TBXAS1: variants seen among roughly 807,000 people sequenced by gnomAD.
TBXAS1 encodes the protein thromboxane-A synthase.
In TBXAS1, 48 loss-of-function variants were observed where a neutral mutation model predicts 60.7. The ratio of observed to expected loss-of-function variants is 0.79; its 90% CI spans 0.63 to 1.01. The LOEUF is 1.01. Among genes scored for constraint, TBXAS1 ranks in the 50% least tolerant of loss-of-function variants. The pLI, the probability that TBXAS1 is intolerant of heterozygous loss-of-function variation, is 0.00. For synonymous variants in TBXAS1, 287 were observed against 269.7 expected, an observed-to-expected ratio of 1.06 and a Z score of -0.63; for missense variants, 685 against 686.3, an observed-to-expected ratio of 1.00 and a Z score of 0.02.
chr7:139,782,181 TAATC>T (rs1196605989), intron 2 of TBXAS1, among the ~76,000 whole-genome samples: 2 of 150,142 alleles, frequency 1.3e-5, no homozygotes, highest in Admixed American at 1.3e-4. Flanking sequence ...CTAAGGAGTT[TAATC>T]AATCATTTAA....
chr7:139,957,065 C>A (rs1344628805), intron 7 of TBXAS1, among the ~76,000 whole-genome samples: 2 of 152,238 alleles, frequency 1.3e-5, no homozygotes, highest in Non-Finnish European at 2.9e-5. Context: ...ATCCCCAGCA[C>A]ATGGCAGCAA....
chr7:139,893,329 C>CAT (rs1166428274), intron 3 of TBXAS1, among the ~76,000 whole-genome samples: 4 of 137,390 alleles, frequency 2.9e-5, no homozygotes, highest in African/African-American at 1.2e-4. Context: ...GGAATAGACA[C>CAT]ACACACACAC....
intron 10 of TBXAS1, among the ~76,000 whole-genome samples, chr7:140,009,607 T>TGCCCCACACCC (rs1814384892): frequency 8.4e-5 from 1 of 11,862 alleles, no homozygotes; most frequent in African/African-American, 3.3e-4. Flanking sequence ...ACCCCACACC[T>TGCCCCACACCC]GCCCCACACC....
chr7:139,930,248 G>A (rs1807209892), intron 4 of TBXAS1, among the ~76,000 whole-genome samples: 1 of 152,160 alleles, frequency 6.6e-6, no homozygotes, highest in South Asian at 2.1e-4. Context: ...ACCGTCCAGT[G>A]TATTTCTCAT....
intron 4 of TBXAS1, among the ~76,000 whole-genome samples, chr7:139,820,447 A>G (rs899922903): frequency 6.6e-6 from 1 of 152,214 alleles, no homozygotes; most frequent in African/African-American, 2.4e-5. Flanking sequence ...ACATACAGCC[A>G]AAGTCTGAAT....
chr7:139,939,295 C>A (rs952908570), intron 5 of TBXAS1, among the ~76,000 whole-genome samples: 1 of 134,668 alleles, frequency 7.4e-6, no homozygotes, highest in Non-Finnish European at 1.5e-5. Flanking sequence ...ATCCAGGAGG[C>A]AGAGGTTGCA....
intron 4 of TBXAS1, among the ~76,000 whole-genome samples, chr7:139,820,908 G>T (rs761656963): frequency 6.6e-6 from 1 of 152,148 alleles, no homozygotes; most frequent in Non-Finnish European, 1.5e-5. Context: ...GCTGATATTT[G>T]GGTGGGTGTC....
intron 11 of TBXAS1, chr7:140,016,267 G>C (rs1235821979): frequency 6.2e-6 from 2 of 323,526 alleles, no homozygotes; most frequent in Non-Finnish European, 1.2e-5. Context: ...GGCGGAGCTT[G>C]CAGTGAGCCG....
chr7:140,005,181 C>T (rs1813975305), intron 9 of TBXAS1, among the ~76,000 whole-genome samples: 1 of 152,234 alleles, frequency 6.6e-6, no homozygotes, highest in African/African-American at 2.4e-5. Flanking sequence ...GTAACTCCAG[C>T]ACTTTGGAAG....
intron 5 of TBXAS1, among the ~76,000 whole-genome samples, chr7:139,943,628 G>A (rs1466168311): frequency 6.6e-6 from 1 of 152,138 alleles, no homozygotes; most frequent in African/African-American, 2.4e-5. Context: ...CTTCTAATTG[G>A]TCACAAGTCT....
At chr7:140,008,274 G>A (rs377449196) in intron 10 of TBXAS1, among the ~76,000 whole-genome samples, 54 of 152,150 alleles carry the variant, frequency 3.5e-4, no homozygotes, top group South Asian at 6.2e-4. Flanking sequence ...GGCGTGATTC[G>A]AACTGCATTG....
At chr7:139,945,392 T>A (rs1369958574) in intron 5 of TBXAS1, among the ~76,000 whole-genome samples, 4 of 152,244 alleles carry the variant, frequency 2.6e-5, no homozygotes, top group Non-Finnish European at 5.9e-5. Context: ...AGGACCAGCA[T>A]GAGTCTCAGC....
chr7:139,855,265 A>G (rs1800503841), intron 1 of TBXAS1, among the ~76,000 whole-genome samples: 1 of 152,190 alleles, frequency 6.6e-6, no homozygotes, highest in Non-Finnish European at 1.5e-5. Flanking sequence ...CAGAAAACAA[A>G]CTAAGACAGG....
chr7:139,842,970 A>G (rs1050465237), intron 1 of TBXAS1, among the ~76,000 whole-genome samples: 44 of 152,182 alleles, frequency 2.9e-4, no homozygotes, highest in Non-Finnish European at 1.0e-4. Flanking sequence ...GCTTCCACCA[A>G]TGCCTTGTTT....
At chr7:139,941,996 G>C (rs1808330468) in intron 5 of TBXAS1, among the ~76,000 whole-genome samples, 1 of 152,182 alleles carries the variant, frequency 6.6e-6, no homozygotes, top group Admixed American at 6.5e-5. Context: ...ATTCCTCTAA[G>C]CTGTTCTGAT....
intron 5 of TBXAS1, among the ~76,000 whole-genome samples, chr7:139,942,789 A>G (rs563807805): frequency 1.4e-3 from 213 of 152,294 alleles, no homozygotes; most frequent in African/African-American, 5.0e-3. Flanking sequence ...TCTCTGCCTA[A>G]TTTTTCACTT....
At chr7:139,884,998 G>A (rs548813198) in intron 3 of TBXAS1, among the ~76,000 whole-genome samples, 3 of 152,318 alleles carry the variant, frequency 2.0e-5, no homozygotes, top group African/African-American at 7.2e-5. Flanking sequence ...CGAGTCTCAT[G>A]ATGTGTGGCT....
intron 9 of TBXAS1, among the ~76,000 whole-genome samples, chr7:139,982,539 A>G (rs1024580219): frequency 6.6e-6 from 1 of 152,146 alleles, no homozygotes; most frequent in African/African-American, 2.4e-5. Context: ...TTGGACTACA[A>G]TCTCATCATA....
At chr7:139,831,941 A>G (rs1011615931) in intron 1 of TBXAS1, among the ~76,000 whole-genome samples, 3 of 152,034 alleles carry the variant, frequency 2.0e-5, no homozygotes, top group Non-Finnish European at 4.4e-5. Flanking sequence ...CAAACAAAAC[A>G]AAACAAAACA....
Sources: allele counts gnomAD v4.1 joint callset (sites outside exome capture counted in the v4.1 genomes callset), GRCh38; gene constraint gnomAD v4.1.1; transcripts MANE v1.5; gene names NCBI Gene and HGNC (gene_info 2026-07-23, HGNC 2026-07-21).